Variants in ANKS1B observed in about 807,000 individuals in gnomAD.
The protein encoded by ANKS1B is ankyrin repeat and sterile alpha motif domain containing 1B, also known as ankyrin repeat and sterile alpha motif domain-containing protein 1B.
ANKS1B carries 36 observed loss-of-function variants against 148.3 expected under a neutral mutation model. That is an observed-to-expected ratio of 0.24 (90% confidence interval 0.19 to 0.32). The LOEUF (loss-of-function observed/expected upper bound fraction) is 0.32, where lower values mean the gene tolerates loss of function less well. Among genes scored for constraint, ANKS1B ranks in the 10% least tolerant of loss-of-function variants. The pLI is 1.00. For synonymous variants in ANKS1B, 542 were observed against 560.8 expected, an observed-to-expected ratio of 0.97 and a Z score of 0.47; for missense variants, 1,157 against 1,542.6, an observed-to-expected ratio of 0.75 and a Z score of 4.19.
chr12:99,410,966 G>T (rs551086208), intron 11 of ANKS1B, among the ~76,000 whole-genome samples: 15 of 152,336 alleles, frequency 9.8e-5, no homozygotes, highest in African/African-American at 3.1e-4. Flanking sequence ...CTGCAACTCA[G>T]TAAGTGCATC....
chr12:98,832,898 A>G (rs1032427238), intron 17 of ANKS1B, among the ~76,000 whole-genome samples: 1 of 152,208 alleles, frequency 6.6e-6, no homozygotes, highest in Non-Finnish European at 1.5e-5. Context: ...TCCCAAAAGC[A>G]TAAAAGGATG....
intron 13 of ANKS1B, among the ~76,000 whole-genome samples, chr12:99,245,338 T>C (rs1231696152): frequency 1.3e-5 from 2 of 152,200 alleles, no homozygotes; most frequent in African/African-American, 4.8e-5. Flanking sequence ...ATGGCTATAC[T>C]TGAAAAACTA....
intron 9 of ANKS1B, among the ~76,000 whole-genome samples, chr12:99,560,084 A>G (rs997847178): frequency 1.3e-5 from 2 of 152,180 alleles, no homozygotes; most frequent in Admixed American, 6.5e-5. Context: ...ATTCAGTAAT[A>G]CAGCTGAGGT....
At chr12:99,740,455 C>T (rs1285946877) in intron 8 of ANKS1B, among the ~76,000 whole-genome samples, 1 of 152,204 alleles carries the variant, frequency 6.6e-6, no homozygotes. Context: ...TCCTGGCTTA[C>T]ACACAGCATG....
chr12:99,459,182 G>A (rs1020369428), intron 10 of ANKS1B, among the ~76,000 whole-genome samples: 10 of 152,078 alleles, frequency 6.6e-5, no homozygotes, highest in African/African-American at 2.4e-4. Context: ...CTGAATAGAT[G>A]CAGAAAAAGC....
intron 1 of ANKS1B, among the ~76,000 whole-genome samples, chr12:99,980,578 A>T (rs2095686517): frequency 6.6e-6 from 1 of 152,050 alleles, no homozygotes; most frequent in African/African-American, 2.4e-5. Flanking sequence ...CATTTTGTGA[A>T]TTTCTAGTCA....
chr12:99,274,306 TGTAA>T (rs1181770173), intron 12 of ANKS1B, among the ~76,000 whole-genome samples: 1 of 152,206 alleles, frequency 6.6e-6, no homozygotes, highest in Non-Finnish European at 1.5e-5. Context: ...TTGCCCCCTT[TGTAA>T]TGAACAGTCT....
At chr12:99,698,482 G>T (rs1201202942) in intron 8 of ANKS1B, among the ~76,000 whole-genome samples, 14 of 152,010 alleles carry the variant, frequency 9.2e-5, no homozygotes, top group Admixed American at 9.2e-4. Flanking sequence ...TGGGAACTGG[G>T]ATTTTCACCA....
chr12:99,750,361 A>G (rs990899709), intron 8 of ANKS1B, among the ~76,000 whole-genome samples: 2 of 152,112 alleles, frequency 1.3e-5, no homozygotes, highest in Non-Finnish European at 2.9e-5. Flanking sequence ...CTATATAAAC[A>G]TATTTCACAA....
At chr12:99,980,211 A>G (rs2153860036) in intron 1 of ANKS1B, among the ~76,000 whole-genome samples, 1 of 152,074 alleles carries the variant, frequency 6.6e-6, no homozygotes, top group African/African-American at 2.4e-5. Flanking sequence ...ATGAGCCAAC[A>G]CCATTACATG....
At chr12:98,985,728 T>A (rs1171728654) in intron 17 of ANKS1B, among the ~76,000 whole-genome samples, 1 of 152,164 alleles carries the variant, frequency 6.6e-6, no homozygotes, top group East Asian at 1.9e-4. Context: ...CAACAAATTG[T>A]TTACATATTT....
intron 17 of ANKS1B, among the ~76,000 whole-genome samples, chr12:98,873,145 C>T (rs2099676499): frequency 6.6e-6 from 1 of 152,202 alleles, no homozygotes; most frequent in Admixed American, 6.5e-5. Flanking sequence ...GGTGCCTCTG[C>T]TACACCCTAT....
At chr12:99,288,766 G>A (rs964955633) in intron 12 of ANKS1B, among the ~76,000 whole-genome samples, 2 of 151,874 alleles carry the variant, frequency 1.3e-5, no homozygotes, top group African/African-American at 4.8e-5. Flanking sequence ...CCCTACAACA[G>A]GTATAAAAAT....
chr12:98,856,191 T>A (rs1418954027), intron 17 of ANKS1B, among the ~76,000 whole-genome samples: 1 of 152,218 alleles, frequency 6.6e-6, no homozygotes, highest in African/African-American at 2.4e-5. Context: ...CATGGTTTAG[T>A]GAATAATTTG....
intron 12 of ANKS1B, among the ~76,000 whole-genome samples, chr12:99,398,746 C>T (rs558449314): frequency 2.0e-5 from 3 of 152,086 alleles, no homozygotes; most frequent in Non-Finnish European, 2.9e-5. Flanking sequence ...CCATAGCCAT[C>T]ACTTACCAAT....
intron 10 of ANKS1B, among the ~76,000 whole-genome samples, chr12:99,498,261 C>G (rs1032725799): frequency 2.6e-5 from 4 of 152,212 alleles, no homozygotes; most frequent in African/African-American, 9.6e-5. Flanking sequence ...GAAACCTGAT[C>G]ATGCCATGTT....
rs549233748 is a variant in ANKS1B, at chr12:98,979,074, G to A, written c.2778+74083C>T. 1.2e-4 allele frequency among the ~76,000 whole-genome samples: 18 copies of A among 151,556 alleles called. No individual in the cohort carries two copies. In the South Asian group the frequency reaches 3.8e-3, roughly 32 times the overall value. On this transcript the variant is annotated intron_variant, in intron 17 of 26. Transcript: ENST00000683438. ...GGAGAATGGCGTGAACCCGGGAGGC[G>A]GAGCTTGCAGTGAGCTGAGATTGCG...
intron 17 of ANKS1B, among the ~76,000 whole-genome samples, chr12:98,881,071 G>A (rs1275245613): frequency 6.6e-6 from 1 of 152,084 alleles, no homozygotes; most frequent in Admixed American, 6.6e-5. Context: ...AGGCAAACAC[G>A]TATATCACTG....
chr12:98,923,245 A>G (rs1179594044), intron 17 of ANKS1B, among the ~76,000 whole-genome samples: 1 of 152,168 alleles, frequency 6.6e-6, no homozygotes, highest in Admixed American at 6.5e-5. Context: ...ATCTCTGCAC[A>G]CTTTGGCTCT....
Sources: gnomAD v4.1 joint callset for allele counts (sites outside exome capture counted in the v4.1 genomes callset) on GRCh38, gnomAD v4.1.1 for gene constraint, MANE v1.5 for transcripts, NCBI Gene and HGNC (gene_info 2026-07-23, HGNC 2026-07-21) for gene names.